The following BCL3 variants were observed in gnomAD, a reference collection of about 807,000 sequenced individuals.
The protein encoded by BCL3 is BCL3 transcription coactivator.
Under a neutral mutation model 35.7 loss-of-function variants are expected in BCL3, and 15 were observed. The ratio of observed to expected loss-of-function variants is 0.42; its 90% CI spans 0.28 to 0.65. The LOEUF (loss-of-function observed/expected upper bound fraction) is 0.65, where lower values mean the gene tolerates loss of function less well. Ranked by LOEUF, BCL3 falls within the 30% of genes least tolerant of loss-of-function variation. The pLI, the probability that BCL3 is intolerant of heterozygous loss-of-function variation, is 0.22. For synonymous variants in BCL3, 311 were observed against 284.3 expected, an observed-to-expected ratio of 1.09 and a Z score of -0.95; for missense variants, 565 against 641.7, an observed-to-expected ratio of 0.88 and a Z score of 1.29.
At position 44,758,752 on chromosome 19, in the gene BCL3, C is replaced by T. The variant is rs774952569; in HGVS notation, c.1088C>T (p.Thr363Ile). ...RVIDILRGKA[T>I]RPASTSQPDP... ...ATCGACATCCTGAGGGGGAAGGCCA[C>T]CCGGCCTGCTTCCACCTCCCAGCCA... The change falls in exon 8 of 9, where the codon ACC (threonine) becomes ATC (isoleucine). Residue 363 changes from threonine to isoleucine, a missense_variant. Physicochemically the swap from Thr to Ile is moderately conservative, Grantham distance 89. Transcript: ENST00000164227. The T allele has an allele frequency of 1.2e-6, 2 of 1,605,580 alleles. No individual in the cohort carries two copies. The highest frequency in any genetic ancestry group is 1.7e-6 in the Non-Finnish European group (2 of 1,176,776).
chr19:44,753,426 T>G (rs560072373), intron 2 of BCL3, among the ~76,000 whole-genome samples: 1 of 152,020 alleles, frequency 6.6e-6, no homozygotes, highest in Non-Finnish European at 1.5e-5. Flanking sequence ...AGGCAAACAC[T>G]TCTGCCTCAG....
chr19:44,758,574 G>A (rs1198049059), intron 7 of BCL3, 150 bp from the exon 8 acceptor site: 1 of 1,267,966 alleles, frequency 7.9e-7, no homozygotes, highest in Admixed American at 2.2e-5. Flanking sequence ...CAGAAATGAG[G>A]AGAGACTGGC....
chr19:44,748,012 G>T (rs1967097949), upstream of BCL3: 32 of 1,341,428 alleles, frequency 2.4e-5, no homozygotes, highest in Non-Finnish European at 3.1e-5. Flanking sequence ...GGGAGGGAGA[G>T]GAATCGTTCC....
rs1023615089 is a variant in BCL3 at position 44,759,789 on chromosome 19, G to A, written c.*174G>A. The A allele has an allele frequency of 6.3e-5, 33 of 523,078 alleles. No homozygotes were observed. Among genetic ancestry groups the A allele is most frequent in the African/African-American group, 5.6e-4 (27 of 48,016 alleles). The allele number at this position is 523,078 out of a possible 1,614,324, so 32.4% of individuals were successfully genotyped here. Reference sequence around the variant, plus strand: ...TACACCCCCTCTTCTGAGCACAGATGTTCCCCCATCTCGCTCCCTCCCAGG... The same window carrying A: ...TACACCCCCTCTTCTGAGCACAGATATTCCCCCATCTCGCTCCCTCCCAGG... On this transcript the variant is annotated 3_prime_UTR_variant, in exon 9 of 9. Coordinates refer to ENST00000164227, the MANE Select transcript of BCL3 (RefSeq NM_005178.5).
At chr19:44,758,612 T>C in intron 7 of BCL3, 112 bp from the exon 8 acceptor site, 15 of 1,272,868 alleles carry the variant, frequency 1.2e-5, no homozygotes, top group Non-Finnish European at 1.6e-5. Flanking sequence ...CTTGCCCATC[T>C]TTTCATACTG....
chr19:44,748,534 GC>G, upstream of BCL3: 1 of 233,220 alleles, frequency 4.3e-6, no homozygotes, highest in Non-Finnish European at 7.1e-6. Flanking sequence ...GAGGGGGCAA[GC>G]GGGGCGCGGC....
chr19:44,754,173 A>C (rs1015983754), intron 2 of BCL3, among the ~76,000 whole-genome samples: 1 of 152,142 alleles, frequency 6.6e-6, no homozygotes, highest in East Asian at 1.9e-4. Flanking sequence ...GGACGGGGGA[A>C]GTCCTTATTC....
chr19:44,755,706 C>A (rs1967266859), intron 2 of BCL3, among the ~76,000 whole-genome samples: 1 of 152,092 alleles, frequency 6.6e-6, no homozygotes, highest in South Asian at 2.1e-4. Context: ...TCACTTGAAC[C>A]CAGCAGTTAG....
At chr19:44,758,879 C>T in intron 8 of BCL3, 38 bp downstream of exon 8, 1 of 1,487,864 alleles carries the variant, frequency 6.7e-7, no homozygotes, top group Non-Finnish European at 9.0e-7. Flanking sequence ...CTGGCGCCTC[C>T]TCCCTCAGAC....
At chr19:44,753,950 C>T (rs1436316677) in intron 2 of BCL3, among the ~76,000 whole-genome samples, 1 of 152,002 alleles carries the variant, frequency 6.6e-6, no homozygotes, top group Non-Finnish European at 1.5e-5. Flanking sequence ...AGGGGCTTTA[C>T]GGGCAGGACC....
At chr19:44,753,445 TG>T (rs1387317973) in intron 2 of BCL3, among the ~76,000 whole-genome samples, 1 of 152,154 alleles carries the variant, frequency 6.6e-6, no homozygotes, top group Non-Finnish European at 1.5e-5. Flanking sequence ...AGCTGCCTGC[TG>T]GGGGAAATCC....
At position 44,756,340 on chromosome 19, in the gene BCL3, G is replaced by T; in HGVS notation, c.519G>T (p.Gln173His). ...TCGACATCTACAACAACCTACGGCAGGTGAGGCTCGGTCTGAGGGAGGAGG... is the reference window on the plus strand; with the variant it reads ...TCGACATCTACAACAACCTACGGCATGTGAGGCTCGGTCTGAGGGAGGAGG... ...RELDIYNNLR[Q>H]TPLHLAVITT... Residue 173 changes from glutamine (Q) to histidine (H), a missense_variant and splice_region_variant, in exon 3 of 9, where the codon CAG becomes CAT. By Grantham distance (24) the Gln-to-His change is conservative. This residue lies in a region of BCL3 where 267 missense variants were observed against 281.5 expected (regional missense o/e 0.95). Transcript: ENST00000164227. 6.7e-7 allele frequency: 1 copy of T among 1,491,234 alleles called. No individual in the cohort carries two copies. The allele number at this position is 1,491,234 out of a possible 1,614,324, so 92.4% of individuals were successfully genotyped here. A position where few individuals can be genotyped will look rare whatever the true frequency, so the allele number is the denominator to read the frequency against.
chr19:44,757,332 A>C lies in BCL3; in HGVS notation c.730A>C (p.Thr244Pro). ...DLEARNYDGL[T>P]ALHVAVNTEC... ...CGAGCCCTCCTCTCCCTCAGGGCTC[A>C]CCGCCCTGCACGTGGCAGTGAACAC... The change falls in exon 5 of 9, where the codon ACC becomes CCC. Residue 244 changes from threonine to proline, a missense_variant. Thr to Pro is a conservative substitution (Grantham distance 38). Transcript: ENST00000164227. The surrounding 1 kb of genome is among the most constrained non-coding windows in gnomAD (Gnocchi z 8.4). The C allele has an allele frequency of 6.2e-7, 1 of 1,602,384 alleles. No homozygotes were observed. Among genetic ancestry groups the C allele is most frequent in the Non-Finnish European group, 8.5e-7 (1 of 1,174,790 alleles).
rs531798695 is a variant in BCL3 at position 44,756,985 on chromosome 19, G to C, written c.520-32G>C. 13 of 1,568,228 alleles carry C rather than the reference G, an allele frequency of 8.3e-6. No homozygotes were observed. The East Asian group carries it at 3.1e-4, about 37-fold the overall frequency. On this transcript the variant is annotated intron_variant, in intron 3 of 8. Coordinates refer to ENST00000164227, the MANE Select transcript of BCL3 (RefSeq NM_005178.5). ...GAGGCAGGACTAGAGAGCAGGGCTGGACACAGGTCCCTCACAGTCACTGTT... is the reference window on the plus strand; with the variant it reads ...GAGGCAGGACTAGAGAGCAGGGCTGCACACAGGTCCCTCACAGTCACTGTT...
At chr19:44,749,144 T>G in intron 1 of BCL3, 98 bp downstream of exon 1, 1 of 518,384 alleles carries the variant, frequency 1.9e-6, no homozygotes, top group Non-Finnish European at 2.8e-6. Context: ...CCGGTGTCTC[T>G]CCAGGGACCT....
chr19:44,751,286 C>A lies in BCL3; in HGVS notation c.316C>A (p.Leu106Met), dbSNP rs774348285. The change falls in exon 2 of 9, where the codon CTG becomes ATG. Residue 106 changes from leucine to methionine, a missense_variant. Around this residue, in one of 5 missense-constraint regions of BCL3, gnomAD observed 267 missense variants for 281.5 expected, o/e 0.95. Transcript: ENST00000164227. ...AMGSPFPLVN[L>M]PTPLYPMMCP... is the part of the protein sequence containing the mutation. ...GGGCTCCCCGTTTCCTCTGGTGAAC[C>A]TGCCTACACCCCTATACCCCATGAT... is the stretch of plus-strand genomic sequence containing the variant. 1 of 1,610,460 alleles carries A rather than the reference C, an allele frequency of 6.2e-7. No homozygotes were observed. The highest frequency in any genetic ancestry group is 8.5e-7 in the Non-Finnish European group (1 of 1,178,718).
chr19:44,757,459 G>T lies in BCL3; in HGVS notation c.813+44G>T. On this transcript the variant is annotated intron_variant, in intron 5 of 8. Coordinates refer to ENST00000164227, the MANE Select transcript of BCL3 (RefSeq NM_005178.5). This position sits in a 1 kb window ranked among gnomAD's most constrained non-coding sequence, Gnocchi z 8.4. The stretch of plus-strand genomic sequence containing the variant: ...CTGGGAGGGAGCGGGGCCTTAGCAG[G>T]GGCGGGGTCTTGGCGGGGGCGGGGC... The T allele has an allele frequency of 6.5e-7, 1 of 1,540,748 alleles. No individual in the cohort carries two copies. Among genetic ancestry groups the T allele is most frequent in the South Asian group, 1.2e-5 (1 of 84,258 alleles).
chr19:44,749,849 T>C (rs1967143654), intron 1 of BCL3, among the ~76,000 whole-genome samples: 1 of 152,108 alleles, frequency 6.6e-6, no homozygotes, highest in Non-Finnish European at 1.5e-5. Context: ...GATGAAAATT[T>C]CAGGGGTCTC....
rs1967332202 is a variant in BCL3, at chr19:44,757,989, C to T, written c.892-257C>T. On this transcript the variant is annotated intron_variant, in intron 6 of 8. Coordinates refer to ENST00000164227, the MANE Select transcript of BCL3 (RefSeq NM_005178.5). The surrounding 1 kb of genome is among the most constrained non-coding windows in gnomAD (Gnocchi z 8.4). ...GCTGACCCCGCCTTCCAGCTAGGCC[C>T]TGTCCACGCATTGTCCTTCCCCCCT... Among the ~76,000 whole-genome samples, 1 of 152,246 alleles carries T rather than the reference C, an allele frequency of 6.6e-6. No homozygotes were observed. Among genetic ancestry groups the T allele is most frequent in the Non-Finnish European group, 1.5e-5 (1 of 68,036 alleles).
Sources: allele counts gnomAD v4.1 joint callset (sites outside exome capture counted in the v4.1 genomes callset), GRCh38; gene constraint gnomAD v4.1.1; regional missense constraint gnomAD v4.1.1; non-coding constraint Gnocchi (gnomAD v3.1); transcripts MANE v1.5; gene names NCBI Gene and HGNC (gene_info 2026-07-23, HGNC 2026-07-21).